The following DGLUCY variants were observed in gnomAD, a reference collection of about 807,000 sequenced individuals.
DGLUCY encodes the protein D-glutamate cyclase.
A neutral mutation model predicts 58.5 loss-of-function variants in DGLUCY; 58 were observed. That is an observed-to-expected ratio of 0.99 (90% CI 0.80 to 1.23). The LOEUF (loss-of-function observed/expected upper bound fraction) is 1.23. DGLUCY is among the 50% of genes most tolerant of loss of function. DGLUCY has a pLI of 0.00. For missense variants in DGLUCY, 779 were observed against 784.7 expected (o/e 0.99, Z 0.09); for synonymous variants, 325 against 314.1 (o/e 1.03, Z -0.37).
intron 8 of DGLUCY, among the ~76,000 whole-genome samples, chr14:91,186,466 C>T (rs1315499756): frequency 6.6e-6 from 1 of 152,042 alleles, no homozygotes. Context: ...AGGCTGGTCT[C>T]AAGCTCCTGA....
intron 1 of DGLUCY, among the ~76,000 whole-genome samples, chr14:91,077,283 G>A (rs1027819898): frequency 2.0e-5 from 3 of 149,140 alleles, no homozygotes; most frequent in Non-Finnish European, 4.5e-5. Flanking sequence ...GAGAGAGAGA[G>A]AAACAAAGAG....
chr14:91,097,653 C>A (rs779480436), intron 1 of DGLUCY, among the ~76,000 whole-genome samples: 2 of 151,458 alleles, frequency 1.3e-5, no homozygotes, highest in African/African-American at 2.4e-5. Context: ...CTCTACTTGG[C>A]GATCAAGGAC....
At chr14:91,191,885 A>G (rs1219543919) in intron 9 of DGLUCY, among the ~76,000 whole-genome samples, 1 of 152,174 alleles carries the variant, frequency 6.6e-6, no homozygotes, top group African/African-American at 2.4e-5. Context: ...GGGTAAATCA[A>G]GAGTCCAGGT....
At chr14:91,069,758 T>A (rs1470409633) in intron 1 of DGLUCY, among the ~76,000 whole-genome samples, 1 of 150,978 alleles carries the variant, frequency 6.6e-6, no homozygotes, top group Non-Finnish European at 1.5e-5. Flanking sequence ...AGTTCCATTG[T>A]GCCCAGCTTG....
intron 1 of DGLUCY, among the ~76,000 whole-genome samples, chr14:91,124,408 G>C (rs1437037575): frequency 6.6e-6 from 1 of 152,228 alleles, no homozygotes; most frequent in Non-Finnish European, 1.5e-5. Flanking sequence ...GGGGTTGACA[G>C]TTCAGCAGGA....
At chr14:91,183,273 G>A (rs544584286) in intron 8 of DGLUCY, among the ~76,000 whole-genome samples, 83 of 152,282 alleles carry the variant, frequency 5.5e-4, no homozygotes, top group African/African-American at 2.0e-3. Context: ...TGGGATTACA[G>A]GCATGAGCCA....
At chr14:91,137,307 T>A (rs2046395543) in intron 1 of DGLUCY, among the ~76,000 whole-genome samples, 1 of 152,130 alleles carries the variant, frequency 6.6e-6, no homozygotes, top group Admixed American at 6.6e-5. Flanking sequence ...CTGTGTCTCG[T>A]TCTTTTACCT....
chr14:91,075,812 G>T (rs750785522), intron 1 of DGLUCY, among the ~76,000 whole-genome samples: 1 of 152,138 alleles, frequency 6.6e-6, no homozygotes, highest in Non-Finnish European at 1.5e-5. Flanking sequence ...TGCTACAGAG[G>T]TTATAAAGAT....
chr14:91,161,479 G>A (rs2047979284), intron 3 of DGLUCY, among the ~76,000 whole-genome samples: 1 of 152,302 alleles, frequency 6.6e-6, no homozygotes, highest in African/African-American at 2.4e-5. Context: ...GTCTGTTGGG[G>A]ATAGACCATC....
chr14:91,112,199 A>G (rs2044714587), upstream of DGLUCY, among the ~76,000 whole-genome samples: 1 of 151,894 alleles, frequency 6.6e-6, no homozygotes, highest in African/African-American at 2.4e-5. Context: ...CGGTGAGCCA[A>G]CACCGCACCA....
intron 13 of DGLUCY, among the ~76,000 whole-genome samples, chr14:91,218,450 T>G (rs1217219787): frequency 6.6e-6 from 1 of 151,558 alleles, no homozygotes; most frequent in African/African-American, 2.4e-5. Context: ...GTTACCAGGC[T>G]GGAGTGCAGT....
chr14:91,205,803 C>CTTCTT (rs1884538816), intron 12 of DGLUCY, among the ~76,000 whole-genome samples: 1 of 80,490 alleles, frequency 1.2e-5, no homozygotes, highest in African/African-American at 7.7e-5. Flanking sequence ...TTCTCCGTCT[C>CTTCTT]CTTCTCCTCC....
At chr14:91,162,391 C>T (rs1193750609) in intron 3 of DGLUCY, among the ~76,000 whole-genome samples, 3 of 152,140 alleles carry the variant, frequency 2.0e-5, no homozygotes, top group African/African-American at 7.2e-5. Flanking sequence ...GAGCCCAAGG[C>T]AGCTGGGGGA....
chr14:91,177,260 T>A (rs2048914042), intron 7 of DGLUCY, among the ~76,000 whole-genome samples: 1 of 152,204 alleles, frequency 6.6e-6, no homozygotes, highest in Non-Finnish European at 1.5e-5. Flanking sequence ...CCCAGCCTCC[T>A]GAGTCATAGG....
At chr14:91,098,850 T>C (rs1237083341) in intron 1 of DGLUCY, among the ~76,000 whole-genome samples, 2 of 152,252 alleles carry the variant, frequency 1.3e-5, no homozygotes, top group African/African-American at 2.4e-5. Context: ...TAAGGGACTT[T>C]CCTTGTAAGC....
chr14:91,206,095 C>T (rs1884648216), intron 12 of DGLUCY, among the ~76,000 whole-genome samples: 1 of 151,972 alleles, frequency 6.6e-6, no homozygotes, highest in Non-Finnish European at 1.5e-5. Context: ...CCACCTTGGC[C>T]TCCCAAAGTG....
rs1469591852 is a variant in DGLUCY, at chr14:91,062,556, AAAATATATATATATATATAT to A, written c.-82+1854_-82+1873del. ...GAGCGAGACTCTGTCTAAAAAAAAA[AAAATATATATATATATATAT>A]ATATATATATATATATATATATATA... On this transcript the variant is annotated intron_variant, in intron 1 of 4. Coordinates refer to the DGLUCY transcript ENST00000521334. Among the ~76,000 whole-genome samples, 10 of 30,594 alleles carry A rather than the reference AAAATATATATATATATATAT, an allele frequency of 3.3e-4. 1 individual carries two copies. The highest frequency in any genetic ancestry group is 5.4e-4 in the Non-Finnish European group (9 of 16,744). 20.1% of individuals were successfully genotyped at this position (30,594 alleles called of 152,430 possible). A position where few individuals can be genotyped will look rare whatever the true frequency, so the allele number is the denominator to read the frequency against.
In DGLUCY at chr14:91,073,621, A is replaced by G. The variant is rs575993082; in HGVS notation, c.-82+12917A>G. 7.9e-5 allele frequency among the ~76,000 whole-genome samples: 12 copies of G among 152,224 alleles called. No individual in the cohort carries two copies. The South Asian group carries it at 1.7e-3, about 21-fold the overall frequency. Reference sequence around the variant, plus strand: ...GGTGTGAGCCACCGCTCCTGGCTGCATGAAAAATCTTTAATGCAAAAGGGT... The same window carrying G: ...GGTGTGAGCCACCGCTCCTGGCTGCGTGAAAAATCTTTAATGCAAAAGGGT... On this transcript the variant is annotated intron_variant, in intron 1 of 4. Coordinates refer to the DGLUCY transcript ENST00000521334.
At chr14:91,191,872 T>C (rs2049918929) in intron 9 of DGLUCY, among the ~76,000 whole-genome samples, 1 of 152,152 alleles carries the variant, frequency 6.6e-6, no homozygotes, top group Non-Finnish European at 1.5e-5. Flanking sequence ...CTGGCAGGTT[T>C]AGGGGTAAAT....
Sources: allele counts gnomAD v4.1 joint callset (sites outside exome capture counted in the v4.1 genomes callset), GRCh38; gene constraint gnomAD v4.1.1; transcripts MANE v1.5; gene names NCBI Gene and HGNC (gene_info 2026-07-23, HGNC 2026-07-21).